Variants in SCN2A observed in about 807,000 individuals in gnomAD.
SCN2A encodes the protein sodium voltage-gated channel alpha subunit 2, also known as sodium channel protein type 2 subunit alpha.
Under a neutral mutation model 188.7 loss-of-function variants are expected in SCN2A, and 20 were observed. That is an observed-to-expected ratio of 0.11 (90% CI 0.07 to 0.15). SCN2A has a LOEUF of 0.15. Among genes scored for constraint, SCN2A ranks in the 10% least tolerant of loss-of-function variants. The probability of loss-of-function intolerance (pLI) is 1.00; values close to 1 mark genes in which losing one functional copy is unlikely to be tolerated. For missense variants in SCN2A, 1,278 were observed against 2,445.0 expected (o/e 0.52, Z 10.07); for synonymous variants, 804 against 833.1 (o/e 0.97, Z 0.60).
In SCN2A at chr2:165,284,459, G is replaced by GCAGT. The variant is rs571919197; in HGVS notation, c.-51-11313_-51-11312insAGTC. Among the ~76,000 whole-genome samples, 341 of 152,198 alleles carry GCAGT rather than the reference G, an allele frequency of 2.2e-3. 4 individuals carry two copies. The East Asian group carries it at 0.042, about 19-fold the overall frequency. On this transcript the variant is annotated intron_variant, in intron 1 of 26. Coordinates refer to ENST00000375437, the MANE Select transcript of SCN2A (RefSeq NM_001040142.2). ...GCTGGGTTTACAGGCGTGAGCCACT[G>GCAGT]CGCCCAGCCTGTTATTATTATTATT...
intron 1 of SCN2A, among the ~76,000 whole-genome samples, chr2:165,255,236 T>C (rs1694262901): frequency 1.3e-5 from 2 of 152,038 alleles, no homozygotes; most frequent in African/African-American, 4.8e-5. Context: ...CCCATCTTTA[T>C]TTTTTCTTCT....
At chr2:165,261,607 C>G (rs1057283481) in intron 1 of SCN2A, among the ~76,000 whole-genome samples, 1 of 152,186 alleles carries the variant, frequency 6.6e-6, no homozygotes, top group Admixed American at 6.5e-5. Flanking sequence ...GTGGGGTACA[C>G]CAATGAGTTG....
At chr2:165,319,332 G>A (rs774047989) in intron 11 of SCN2A, among the ~76,000 whole-genome samples, 9 of 151,868 alleles carry the variant, frequency 5.9e-5, no homozygotes, top group East Asian at 3.9e-4. Flanking sequence ...GTGAGACTCC[G>A]TCTCAAAAAA....
intron 15 of SCN2A, among the ~76,000 whole-genome samples, chr2:165,343,939 C>G (rs535306318): frequency 6.6e-6 from 1 of 152,296 alleles, no homozygotes; most frequent in Non-Finnish European, 1.5e-5. Flanking sequence ...TTCATTTCTG[C>G]TTCCACTTTA....
intron 1 of SCN2A, among the ~76,000 whole-genome samples, chr2:165,295,387 T>C (rs1021776467): frequency 6.6e-6 from 1 of 152,240 alleles, no homozygotes; most frequent in African/African-American, 2.4e-5. Context: ...TCTCTTGTTT[T>C]GGATCTCTGC....
At chr2:165,265,516 T>TATATATATATATA (rs71028476) in intron 1 of SCN2A, among the ~76,000 whole-genome samples, 96 of 122,790 alleles carry the variant, frequency 7.8e-4, no homozygotes, top group South Asian at 1.1e-3. Flanking sequence ...TATATATATA[T>TATATATATATATA]TGCTGTGCAG....
rs1702084521 is a variant in SCN2A, at chr2:165,390,541, T to C, written c.*717T>C. On this transcript the variant is annotated 3_prime_UTR_variant, in exon 27 of 27. Coordinates refer to ENST00000375437, the MANE Select transcript of SCN2A (RefSeq NM_001040142.2). ...AAAAATTTAATGTGCCTGTAAATGT[T>C]CCATAGAATCACAAGCATTAAAGAG... 1 of 152,736 alleles carries C rather than the reference T, an allele frequency of 6.5e-6. No homozygotes were observed. The highest frequency in any genetic ancestry group is 1.9e-4 in the East Asian group (1 of 5,194). 9.5% of individuals were successfully genotyped at this position (152,736 alleles called of 1,614,324 possible).
At chr2:165,285,479 G>C (rs779042639) in intron 1 of SCN2A, 1 of 163,246 alleles carries the variant, frequency 6.1e-6, no homozygotes, top group African/African-American at 2.4e-5. Flanking sequence ...ACTACAAGCA[G>C]TATTTTTAAG....
intron 10 of SCN2A, 107 bp from the exon 11 acceptor site, chr2:165,315,364 A>G: frequency 6.5e-7 from 1 of 1,537,432 alleles, no homozygotes; most frequent in Non-Finnish European, 8.8e-7. Flanking sequence ...AAAATGGAGA[A>G]TTGTTTTTCA....
Position 165,367,105 on chromosome 2 carries a change from AT to A in SCN2A, c.3521-111del, listed in dbSNP as rs1285409360. 3 of 1,009,460 alleles carry A rather than the reference AT, an allele frequency of 3.0e-6. No individual in the cohort carries two copies. In the African/African-American group the frequency reaches 4.9e-5, roughly 16 times the overall value. The allele number at this position is 1,009,460 out of a possible 1,614,324, so 62.5% of individuals were successfully genotyped here. A position where few individuals can be genotyped will look rare whatever the true frequency, so the allele number is the denominator to read the frequency against. Reference sequence around the variant, plus strand: ...TAAGCGGAAGCTATCTTAAAAATTAATGTTATTTACAATGTATTATCAGGTA... The same window carrying A: ...TAAGCGGAAGCTATCTTAAAAATTAAGTTATTTACAATGTATTATCAGGTA... On this transcript the variant is annotated intron_variant, in intron 18 of 26. Transcript: ENST00000375437.
intron 13 of SCN2A, among the ~76,000 whole-genome samples, chr2:165,329,769 TA>T (rs1282190771): frequency 6.6e-6 from 1 of 152,174 alleles, no homozygotes; most frequent in Non-Finnish European, 1.5e-5. Flanking sequence ...ACCTTCAATG[TA>T]AATATAAGGT....
intron 17 of SCN2A, among the ~76,000 whole-genome samples, chr2:165,360,696 C>A (rs1700416367): frequency 6.6e-6 from 1 of 151,808 alleles, no homozygotes; most frequent in African/African-American, 2.4e-5. Context: ...GGCTATGCTA[C>A]AAACATCAGT....
intron 17 of SCN2A, among the ~76,000 whole-genome samples, chr2:165,356,794 T>G (rs1232147973): frequency 1.3e-5 from 2 of 152,214 alleles, no homozygotes; most frequent in Admixed American, 1.3e-4. Context: ...ATGTCTGAAG[T>G]AAGAGGGAAG....
intron 1 of SCN2A, among the ~76,000 whole-genome samples, chr2:165,281,538 G>A (rs751955254): frequency 2.0e-5 from 3 of 152,034 alleles, no homozygotes; most frequent in African/African-American, 4.8e-5. Flanking sequence ...GGCAGGAGAC[G>A]ACATGAGAGA....
At chr2:165,330,735 G>A (rs57473650) in intron 13 of SCN2A, among the ~76,000 whole-genome samples, 2,261 of 152,130 alleles carry the variant, frequency 0.015, 48 homozygotes, top group African/African-American at 0.051. Flanking sequence ...TTAGGCTGGG[G>A]TATTTTCTCT....
chr2:165,294,156 T>A lies in SCN2A; in HGVS notation c.-51-1617T>A, dbSNP rs2106146040. ...CAGGGGTAATGTTTTATTATTCTTA[T>A]TATGCTTATTCTCTGTGATGCTTCT... On this transcript the variant is annotated intron_variant, in intron 1 of 26. Coordinates refer to ENST00000375437, the MANE Select transcript of SCN2A (RefSeq NM_001040142.2). 12 of 943,832 alleles carry A rather than the reference T, an allele frequency of 1.3e-5. No homozygotes were observed. The South Asian group carries it at 5.4e-4, about 42-fold the overall frequency. The allele number at this position is 943,832 out of a possible 1,614,324, so 58.5% of individuals were successfully genotyped here. A position where few individuals can be genotyped will look rare whatever the true frequency, so the allele number is the denominator to read the frequency against.
At chr2:165,377,489 A>G in intron 22 of SCN2A, 108 bp from the exon 23 acceptor site, 1 of 911,346 alleles carries the variant, frequency 1.1e-6, no homozygotes, top group South Asian at 1.6e-5. Context: ...AAGCTTATTT[A>G]TATGCCTGTA....
intron 26 of SCN2A, 76 bp downstream of exon 26, chr2:165,387,092 T>A (rs1701915967): frequency 7.1e-7 from 1 of 1,417,972 alleles, no homozygotes; most frequent in Admixed American, 1.7e-5. Context: ...GAGGTGTTTT[T>A]CACTAATCTT....
intron 17 of SCN2A, among the ~76,000 whole-genome samples, chr2:165,359,450 A>G (rs138574203): frequency 6.6e-6 from 1 of 152,080 alleles, no homozygotes. Flanking sequence ...TAGGGGATTC[A>G]GCTGGAGTAA....
Sources: allele counts gnomAD v4.1 joint callset (sites outside exome capture counted in the v4.1 genomes callset), GRCh38; gene constraint gnomAD v4.1.1; transcripts MANE v1.5; gene names NCBI Gene and HGNC (gene_info 2026-07-23, HGNC 2026-07-21).